Variants in OPCML observed in about 807,000 individuals in gnomAD.
OPCML encodes opioid-binding protein/cell adhesion molecule.
Under a neutral mutation model 37.8 loss-of-function variants are expected in OPCML, and 13 were observed. The observed-to-expected ratio is 0.34, with a 90% CI of 0.22 to 0.55. OPCML has a LOEUF of 0.55. Ranked by LOEUF, OPCML falls within the 20% of genes least tolerant of loss-of-function variation. The pLI, the probability that OPCML is intolerant of heterozygous loss-of-function variation, is 0.91. For missense variants in OPCML, 341 were observed against 435.6 expected (o/e 0.78, Z 1.93); for synonymous variants, 176 against 168.8 (o/e 1.04, Z -0.33).
intron 1 of OPCML, among the ~76,000 whole-genome samples, chr11:133,075,048 G>A (rs913343268): frequency 1.3e-5 from 2 of 152,174 alleles, no homozygotes; most frequent in Non-Finnish European, 2.9e-5. Flanking sequence ...AAGTGTGCGT[G>A]CAGTGGACGT....
intron 1 of OPCML, among the ~76,000 whole-genome samples, chr11:133,095,468 A>T (rs901405858): frequency 4.7e-5 from 7 of 150,240 alleles, no homozygotes; most frequent in Non-Finnish European, 8.9e-5. Flanking sequence ...AATACCAATA[A>T]TTAGCAGGCA....
At chr11:132,624,963 C>A (rs916102817) in intron 3 of OPCML, among the ~76,000 whole-genome samples, 3 of 152,092 alleles carry the variant, frequency 2.0e-5, no homozygotes, top group African/African-American at 4.8e-5. Flanking sequence ...TGTATTTTTT[C>A]TGGCAACTGT....
intron 1 of OPCML, among the ~76,000 whole-genome samples, chr11:133,049,109 GT>G (rs938453040): frequency 6.6e-6 from 1 of 152,174 alleles, no homozygotes; most frequent in Admixed American, 6.5e-5. Context: ...CCCCTGTGGG[GT>G]TTACAATCTA....
intron 3 of OPCML, among the ~76,000 whole-genome samples, chr11:132,599,791 C>T (rs1937723712): frequency 6.6e-6 from 1 of 152,148 alleles, no homozygotes. Flanking sequence ...TAACAGCATA[C>T]TGATGTATTT....
intron 2 of OPCML, among the ~76,000 whole-genome samples, chr11:132,789,829 T>A (rs1191234970): frequency 4.6e-5 from 7 of 152,148 alleles, no homozygotes; most frequent in African/African-American, 1.4e-4. Context: ...TCTGGCTGAG[T>A]GTTCATAGAG....
chr11:132,719,878 C>A (rs1394595418), intron 2 of OPCML, among the ~76,000 whole-genome samples: 5 of 152,172 alleles, frequency 3.3e-5, no homozygotes, highest in Non-Finnish European at 7.3e-5. Flanking sequence ...CTGGTGTGTC[C>A]TCTCTCCACA....
chr11:132,724,179 C>T (rs1591519586), intron 2 of OPCML, among the ~76,000 whole-genome samples: 1 of 152,248 alleles, frequency 6.6e-6, no homozygotes, highest in African/African-American at 2.4e-5. Context: ...CCTCCCACCA[C>T]CCCTTCTTTA....
intron 1 of OPCML, among the ~76,000 whole-genome samples, chr11:133,103,396 C>G (rs1008091466): frequency 4.6e-5 from 7 of 152,164 alleles, no homozygotes; most frequent in Non-Finnish European, 1.0e-4. Context: ...AGTGCCCCCT[C>G]TATACCAGGA....
At chr11:133,475,866 G>A (rs561536751) in intron 1 of OPCML, among the ~76,000 whole-genome samples, 1 of 150,698 alleles carries the variant, frequency 6.6e-6, no homozygotes, top group African/African-American at 2.5e-5. Flanking sequence ...TTTCAGCCAA[G>A]ATACTGAAAT....
intron 2 of OPCML, among the ~76,000 whole-genome samples, chr11:132,682,426 C>T (rs1355146032): frequency 6.6e-6 from 1 of 152,210 alleles, no homozygotes; most frequent in Non-Finnish European, 1.5e-5. Flanking sequence ...TCTTTTCCTT[C>T]TCTTTGTTTT....
intron 2 of OPCML, among the ~76,000 whole-genome samples, chr11:132,919,772 C>G (rs1944728579): frequency 6.6e-6 from 1 of 152,298 alleles, no homozygotes; most frequent in African/African-American, 2.4e-5. Context: ...CTGTTCATCT[C>G]CACCCACAGT....
At chr11:132,810,042 GA>G (rs1267838353) in intron 2 of OPCML, among the ~76,000 whole-genome samples, 4 of 152,046 alleles carry the variant, frequency 2.6e-5, no homozygotes, top group African/African-American at 9.7e-5. Flanking sequence ...GTAGAGACGG[GA>G]TTTCACCATG....
chr11:132,871,285 T>A (rs1386796591), intron 2 of OPCML, among the ~76,000 whole-genome samples: 8 of 151,798 alleles, frequency 5.3e-5, no homozygotes, highest in Non-Finnish European at 1.2e-4. Context: ...CAACTGCACA[T>A]CAATGCCTTG....
intron 4 of OPCML, among the ~76,000 whole-genome samples, chr11:132,454,297 G>C (rs2096075866): frequency 6.6e-6 from 1 of 152,176 alleles, no homozygotes; most frequent in Non-Finnish European, 1.5e-5. Context: ...ACTTGTTCCT[G>C]GGAAATGAGG....
Position 133,173,767 on chromosome 11 carries a change from T to C in OPCML, c.62-230757A>G, listed in dbSNP as rs1004021205. On this transcript the variant is annotated intron_variant, in intron 1 of 7. Transcript: ENST00000524381. This position sits in a 1 kb window ranked among gnomAD's most constrained non-coding sequence, Gnocchi z 7.8. The stretch of plus-strand genomic sequence containing the variant: ...ATGCATAAGTAAAGAAAAAATAGAA[T>C]TACGTTTTTCTCTTTTTCCCCATCC... Among the ~76,000 whole-genome samples the C allele has an allele frequency of 6.6e-6, 1 of 152,178 alleles. No homozygotes were observed. The highest frequency in any genetic ancestry group is 1.9e-4 in the East Asian group (1 of 5,194).
At chr11:132,932,689 TATTA>T (rs1316196979) in intron 2 of OPCML, among the ~76,000 whole-genome samples, 2 of 120,322 alleles carry the variant, frequency 1.7e-5, no homozygotes, top group Non-Finnish European at 3.3e-5. Context: ...GTTATATATA[TATTA>T]TATATATATA....
At chr11:133,315,505 A>G (rs1329564671) in intron 1 of OPCML, among the ~76,000 whole-genome samples, 1 of 152,246 alleles carries the variant, frequency 6.6e-6, no homozygotes, top group East Asian at 1.9e-4. Flanking sequence ...TAAGCACATT[A>G]AAACCATTTC....
At chr11:133,494,094 A>G (rs1021211821) in intron 1 of OPCML, among the ~76,000 whole-genome samples, 15 of 152,002 alleles carry the variant, frequency 9.9e-5, no homozygotes, top group African/African-American at 3.4e-4. Flanking sequence ...GAAGACATTT[A>G]TGCAGCCAAA....
At chr11:133,269,437 C>T (rs534455773) in intron 1 of OPCML, among the ~76,000 whole-genome samples, 407 of 152,326 alleles carry the variant, frequency 2.7e-3, no homozygotes, top group Non-Finnish European at 4.3e-3. Flanking sequence ...CTGGGGATTT[C>T]ACGGACACCT....
Sources: gnomAD v4.1 joint callset for allele counts (sites outside exome capture counted in the v4.1 genomes callset) on GRCh38, gnomAD v4.1.1 for gene constraint, Gnocchi (gnomAD v3.1) non-coding constraint, MANE v1.5 for transcripts, NCBI Gene and HGNC (gene_info 2026-07-23, HGNC 2026-07-21) for gene names.